NCALD: variants seen among roughly 807,000 people sequenced by gnomAD.
NCALD encodes the protein neurocalcin-delta.
In NCALD, 10 loss-of-function variants were observed where a neutral mutation model predicts 18.6. The observed-to-expected ratio is 0.54, with a 90% CI of 0.33 to 0.91. NCALD has a LOEUF of 0.91. Ranked by LOEUF, NCALD falls within the 40% of genes least tolerant of loss-of-function variation. The pLI, the probability that NCALD is intolerant of heterozygous loss-of-function variation, is 0.03. For missense variants in NCALD, 184 were observed against 247.6 expected (o/e 0.74, Z 1.72); for synonymous variants, 88 against 87.4 (o/e 1.01, Z -0.04).
rs148781343 is a variant in NCALD at position 101,735,600 on chromosome 8, G to A, written c.-19-15952C>T. ...TTTTAAGTATGTCCCAAATGTTGATGGGCATACTTACACAAAAAATCTGTG... is the reference window on the plus strand; with the variant it reads ...TTTTAAGTATGTCCCAAATGTTGATAGGCATACTTACACAAAAAATCTGTG... On this transcript the variant is annotated intron_variant, in intron 1 of 3. Transcript: ENST00000220931. Among the ~76,000 whole-genome samples, 355 of 152,248 alleles carry A rather than the reference G, an allele frequency of 2.3e-3. 2 individuals are homozygous for A. The highest frequency in any genetic ancestry group is 4.4e-3 in the Non-Finnish European group (298 of 68,026).
At chr8:102,007,256 A>C (rs1204943599) in intron 2 of NCALD, among the ~76,000 whole-genome samples, 1 of 152,236 alleles carries the variant, frequency 6.6e-6, no homozygotes, top group Non-Finnish European at 1.5e-5. Context: ...TTGGTCTATA[A>C]GAAGTTAGAA....
rs756230258 is a variant in NCALD, at chr8:101,912,393, T to C, written c.-107+3416A>G. Among the ~76,000 whole-genome samples, 24 of 152,246 alleles carry C rather than the reference T, an allele frequency of 1.6e-4. 1 individual carries two copies. The highest frequency in any genetic ancestry group is 2.4e-5 in the African/African-American group (1 of 41,470). Reference sequence around the variant, plus strand: ...CTATGGAGTTGAGAACATATTTTTGTGCAAATTTCCTCACTAAAAAAGAGA... The same window carrying C: ...CTATGGAGTTGAGAACATATTTTTGCGCAAATTTCCTCACTAAAAAAGAGA... On this transcript the variant is annotated intron_variant, in intron 3 of 6. Transcript: ENST00000311028.
intron 1 of NCALD, among the ~76,000 whole-genome samples, chr8:102,102,741 G>A (rs1333259300): frequency 6.6e-6 from 1 of 152,062 alleles, no homozygotes; most frequent in Non-Finnish European, 1.5e-5. Context: ...CGGATGTCTC[G>A]GATGCAGTTC....
intron 3 of NCALD, among the ~76,000 whole-genome samples, chr8:101,895,484 G>T (rs1713061684): frequency 6.6e-6 from 1 of 151,690 alleles, no homozygotes; most frequent in Non-Finnish European, 1.5e-5. Context: ...CACCACTCCT[G>T]TTCAATATAG....
intron 2 of NCALD, among the ~76,000 whole-genome samples, chr8:101,710,947 T>A (rs2130313156): frequency 6.6e-6 from 1 of 152,322 alleles, no homozygotes; most frequent in Non-Finnish European, 1.5e-5. Context: ...AGTGGGTCCC[T>A]GACCCCCGAG....
intron 1 of NCALD, among the ~76,000 whole-genome samples, chr8:102,111,024 AT>A (rs1825623872): frequency 6.6e-6 from 1 of 152,214 alleles, no homozygotes; most frequent in Non-Finnish European, 1.5e-5. Flanking sequence ...AAAAAACTCT[AT>A]ATTAAGTAAT....
At chr8:101,807,091 A>C (rs1033208694) in intron 4 of NCALD, among the ~76,000 whole-genome samples, 21 of 152,112 alleles carry the variant, frequency 1.4e-4, no homozygotes, top group Admixed American at 9.8e-4. Context: ...AAAAATAAAG[A>C]TATTACTAGA....
At chr8:101,729,283 GA>G (rs61575485) in intron 1 of NCALD, among the ~76,000 whole-genome samples, 2,481 of 152,196 alleles carry the variant, frequency 0.016, 62 homozygotes, top group African/African-American at 0.057. Context: ...AGTACATCAG[GA>G]AAAAATTAAA....
intron 3 of NCALD, chr8:101,691,799 A>C (rs1251158762): frequency 1.0e-6 from 1 of 985,254 alleles, no homozygotes; most frequent in Admixed American, 6.2e-5. Flanking sequence ...CTGTACTGCG[A>C]AGCCGCCTTC....
At chr8:101,761,884 T>G (rs1811123572) in intron 1 of NCALD, among the ~76,000 whole-genome samples, 1 of 152,334 alleles carries the variant, frequency 6.6e-6, no homozygotes, top group South Asian at 2.1e-4. Context: ...TCACTTTTTC[T>G]CTTCCCCCGT....
chr8:101,802,599 C>T (rs1004016230), intron 4 of NCALD, among the ~76,000 whole-genome samples: 1 of 151,864 alleles, frequency 6.6e-6, no homozygotes, highest in Non-Finnish European at 1.5e-5. Context: ...AGCAAAACAG[C>T]TTTATGTTCA....
intron 2 of NCALD, among the ~76,000 whole-genome samples, chr8:101,994,588 T>C (rs1243163256): frequency 6.6e-6 from 1 of 152,204 alleles, no homozygotes. Flanking sequence ...GAAAGTCCAA[T>C]GACAAGGGCT....
chr8:102,018,887 T>A (rs1822178980), intron 2 of NCALD, among the ~76,000 whole-genome samples: 2 of 152,170 alleles, frequency 1.3e-5, no homozygotes, highest in Admixed American at 1.3e-4. Context: ...TATTATAGAT[T>A]GAAATGTAAA....
At chr8:102,006,218 C>A (rs1270566309) in intron 2 of NCALD, among the ~76,000 whole-genome samples, 1 of 152,116 alleles carries the variant, frequency 6.6e-6, no homozygotes, top group Admixed American at 6.5e-5. Flanking sequence ...TTCCTCATAT[C>A]ATTAACCCAC....
intron 1 of NCALD, among the ~76,000 whole-genome samples, chr8:102,064,732 A>G (rs1471743360): frequency 6.6e-6 from 1 of 152,162 alleles, no homozygotes; most frequent in East Asian, 1.9e-4. Context: ...TTCTAATGAT[A>G]TGAAATGTAC....
chr8:102,001,855 C>A (rs1821485607), intron 2 of NCALD, among the ~76,000 whole-genome samples: 1 of 152,170 alleles, frequency 6.6e-6, no homozygotes, highest in Non-Finnish European at 1.5e-5. Context: ...CAGGCCTAAC[C>A]TAAAAGAGCT....
intron 2 of NCALD, among the ~76,000 whole-genome samples, chr8:101,713,149 A>C (rs745543838): frequency 6.6e-6 from 1 of 152,238 alleles, no homozygotes; most frequent in Non-Finnish European, 1.5e-5. Context: ...AAGTACGTGG[A>C]AACTGAACAA....
Position 101,775,318 on chromosome 8 carries a change from G to A in NCALD, c.-20+15544C>T, listed in dbSNP as rs547782840. Among the ~76,000 whole-genome samples, 6 of 152,230 alleles carry A rather than the reference G, an allele frequency of 3.9e-5. No homozygotes were observed. The South Asian group carries it at 8.3e-4, about 21-fold the overall frequency. On this transcript the variant is annotated intron_variant, in intron 1 of 3. Transcript: ENST00000220931. ...TTGCCTCTCATGTTATGTGCCAACC[G>A]CACATGTGCTTGGCTAAAATTTCTG...
chr8:101,870,865 G>C (rs1294511172), intron 4 of NCALD, among the ~76,000 whole-genome samples: 5 of 149,678 alleles, frequency 3.3e-5, no homozygotes, highest in Admixed American at 6.7e-5. Context: ...GTTCAAAAAG[G>C]GTTCAAGGGA....
Sources: gnomAD v4.1 joint callset for allele counts (sites outside exome capture counted in the v4.1 genomes callset) on GRCh38, gnomAD v4.1.1 for gene constraint, MANE v1.5 for transcripts, NCBI Gene and HGNC (gene_info 2026-07-23, HGNC 2026-07-21) for gene names.